The following NPY2R variants were observed in gnomAD, a reference collection of about 807,000 sequenced individuals.
NPY2R encodes neuropeptide Y receptor Y2.
In NPY2R, 17 loss-of-function variants were observed where a neutral mutation model predicts 22.3. The observed-to-expected ratio is 0.76, with a 90% CI of 0.52 to 1.14. The LOEUF is 1.14. Ranked by LOEUF, NPY2R falls within the 50% of genes most tolerant of loss-of-function variation. The pLI is 0.00. For synonymous variants in NPY2R, 209 were observed against 183.4 expected (o/e 1.14, Z -1.13); for missense variants, 424 against 467.9 (o/e 0.91, Z 0.87).
At chr4:155,183,126 T>C in the NPY2R span, among the ~76,000 whole-genome samples, 1 of 152,128 alleles carries the variant, frequency 6.6e-6, no homozygotes, top group African/African-American at 2.4e-5. Flanking sequence ...TGTTAAACCA[T>C]AAGTTCGGGT....
chr4:155,183,064 A>T, the NPY2R span, among the ~76,000 whole-genome samples: 1 of 152,086 alleles, frequency 6.6e-6, no homozygotes, highest in Non-Finnish European at 1.5e-5. Context: ...AAGTGCTGGG[A>T]TTACAGGCAT....
At chr4:155,205,832 T>TCTAC (rs1729273756), upstream of NPY2R, among the ~76,000 whole-genome samples, 1 of 151,986 alleles carries the variant, frequency 6.6e-6, no homozygotes, top group Non-Finnish European at 1.5e-5. Context: ...TATCTATCTA[T>TCTAC]CTATCTATCT....
At chr4:155,185,673 T>G in the NPY2R span, among the ~76,000 whole-genome samples, 1 of 152,188 alleles carries the variant, frequency 6.6e-6, no homozygotes, top group South Asian at 2.1e-4. Flanking sequence ...AAATGCATTT[T>G]TTTTTTTTTG....
At chr4:155,207,914 C>T (rs1439404232), upstream of NPY2R, 2 of 152,300 alleles carry the variant, frequency 1.3e-5, no homozygotes, top group African/African-American at 2.4e-5. Context: ...GCTCACTACA[C>T]AGGTTCCTGG....
At chr4:155,198,563 T>G in the NPY2R span, among the ~76,000 whole-genome samples, 6 of 146,850 alleles carry the variant, frequency 4.1e-5, no homozygotes, top group Non-Finnish European at 7.5e-5. Flanking sequence ...AAATATATAA[T>G]ATATTTGATA....
At chr4:155,211,649 T>C (rs1729407680) in intron 1 of NPY2R, among the ~76,000 whole-genome samples, 1 of 152,172 alleles carries the variant, frequency 6.6e-6, no homozygotes, top group African/African-American at 2.4e-5. Context: ...AAACAGAATC[T>C]ATTCAAGAAT....
rs1729468189 is a variant in NPY2R, at chr4:155,214,418, T to A, written c.479T>A (p.Ile160Asn). ...ATCGTCTACCACCTAGAGAGCAAGATCTCCAAGCGAATCAGCTTCCTGATT... is the reference window on the plus strand; with the variant it reads ...ATCGTCTACCACCTAGAGAGCAAGAACTCCAAGCGAATCAGCTTCCTGATT... ...RCIVYHLESKISKRISFLIIG... is the reference protein window; with the variant it reads ...RCIVYHLESKNSKRISFLIIG... Residue 160 changes from isoleucine to asparagine, a missense_variant, in exon 2 of 2, where the codon ATC (isoleucine) becomes AAC (asparagine). Physicochemically the swap from Ile to Asn is moderately radical, Grantham distance 149 (BLOSUM62 -3). Coordinates refer to ENST00000329476, the MANE Select transcript of NPY2R (RefSeq NM_000910.4). 1 of 1,613,822 alleles carries A rather than the reference T, an allele frequency of 6.2e-7. No individual in the cohort carries two copies. Among genetic ancestry groups the A allele is most frequent in the Admixed American group, 1.7e-5 (1 of 59,974 alleles).
chr4:155,214,606 T>C lies in NPY2R; in HGVS notation c.667T>C (p.Ser223Pro). 1 of 1,614,228 alleles carries C rather than the reference T, an allele frequency of 6.2e-7. No homozygotes were observed. The highest frequency in any genetic ancestry group is 8.5e-7 in the Non-Finnish European group (1 of 1,180,040). The change falls in exon 2 of 2, where the codon TCC becomes CCC. Residue 223 changes from serine (S) to proline (P), a missense_variant. Ser to Pro is a moderately conservative substitution (Grantham distance 74). Transcript: ENST00000329476. ...CTATGGCACTGTCTATAGTCTTTCT[T>C]CCTTGTTGATCTTGTATGTTTTGCC... ...SIYGTVYSLS[S>P]LLILYVLPLG...
chr4:155,203,297 C>G, the NPY2R span, among the ~76,000 whole-genome samples: 25 of 152,156 alleles, frequency 1.6e-4, no homozygotes, highest in African/African-American at 6.0e-4. Flanking sequence ...ATATTGCATA[C>G]AAATATTTTA....
upstream of NPY2R, chr4:155,206,595 T>C (rs1729288629): frequency 6.6e-6 from 1 of 152,246 alleles, no homozygotes; most frequent in South Asian, 2.1e-4. Context: ...CTTTTGAGGT[T>C]GCTGACTAGA....
At chr4:155,210,733 G>A (rs1021214878) in intron 1 of NPY2R, among the ~76,000 whole-genome samples, 4 of 152,076 alleles carry the variant, frequency 2.6e-5, no homozygotes, top group Non-Finnish European at 4.4e-5. Flanking sequence ...ATATCAGTAC[G>A]GCAAACACCT....
the NPY2R span, among the ~76,000 whole-genome samples, chr4:155,181,473 C>A: frequency 6.6e-6 from 1 of 152,032 alleles, no homozygotes; most frequent in South Asian, 2.1e-4. Flanking sequence ...TAAAAAAAAA[C>A]CTTACTATGG....
At chr4:155,176,230 C>T in the NPY2R span, among the ~76,000 whole-genome samples, 1 of 152,118 alleles carries the variant, frequency 6.6e-6, no homozygotes, top group Admixed American at 6.5e-5. Context: ...CTTCTCTTGG[C>T]TGTAGCACCC....
At chr4:155,199,324 C>A in the NPY2R span, among the ~76,000 whole-genome samples, 1,682 of 151,972 alleles carry the variant, frequency 0.011, 36 homozygotes, top group African/African-American at 0.039. Context: ...CATGAAAGAC[C>A]TCTGCAAGGA....
At chr4:155,178,560 T>C in the NPY2R span, among the ~76,000 whole-genome samples, 1 of 152,206 alleles carries the variant, frequency 6.6e-6, no homozygotes, top group Admixed American at 6.6e-5. Flanking sequence ...GTTTTCTGTC[T>C]ACTTGTTCTA....
At chr4:155,185,044 A>ATATATTTTTT in the NPY2R span, among the ~76,000 whole-genome samples, 1 of 140,616 alleles carries the variant, frequency 7.1e-6, no homozygotes, top group African/African-American at 2.6e-5. Flanking sequence ...ATATATATAT[A>ATATATTTTTT]TTTTTTTTTT....
intron 1 of NPY2R, among the ~76,000 whole-genome samples, chr4:155,211,827 A>T (rs556372283): frequency 1.3e-5 from 2 of 152,304 alleles, no homozygotes; most frequent in African/African-American, 4.8e-5. Context: ...GAACAGGGAC[A>T]CCCTCTGGAA....
upstream of NPY2R, among the ~76,000 whole-genome samples, chr4:155,204,854 T>C (rs1729250111): frequency 8.4e-6 from 1 of 118,850 alleles, no homozygotes; most frequent in African/African-American, 3.3e-5. Context: ...CAGTTGTCAT[T>C]CTGTATACTG....
At chr4:155,207,946 T>C (rs1323834171), upstream of NPY2R, 3 of 152,290 alleles carry the variant, frequency 2.0e-5, no homozygotes, top group Non-Finnish European at 4.4e-5. Context: ...GAATCTGCAC[T>C]ACTCAACTTA....
Sources: allele counts gnomAD v4.1 joint callset (sites outside exome capture counted in the v4.1 genomes callset), GRCh38; gene constraint gnomAD v4.1.1; transcripts MANE v1.5; gene names NCBI Gene and HGNC (gene_info 2026-07-23, HGNC 2026-07-21).